Variants in HECTD2 observed in about 807,000 individuals in gnomAD.
The protein encoded by HECTD2 is HECT domain E3 ubiquitin protein ligase 2.
Under a neutral mutation model 103.2 loss-of-function variants are expected in HECTD2, and 35 were observed. The ratio of observed to expected loss-of-function variants is 0.34; its 90% CI spans 0.26 to 0.45. The LOEUF (loss-of-function observed/expected upper bound fraction) is 0.45, where lower values mean the gene tolerates loss of function less well. HECTD2 is among the 20% of genes least tolerant of loss of function. HECTD2 has a pLI of 1.00. For synonymous variants in HECTD2, 281 were observed against 329.9 expected, an observed-to-expected ratio of 0.85 and a Z score of 1.61; for missense variants, 596 against 937.4, an observed-to-expected ratio of 0.64 and a Z score of 4.76.
At chr10:91,412,495 G>A (rs1025774661) in intron 1 of HECTD2, among the ~76,000 whole-genome samples, 6 of 150,134 alleles carry the variant, frequency 4.0e-5, no homozygotes, top group East Asian at 2.0e-4. Context: ...TTGCTCTGTC[G>A]CCAGGCTGAA....
chr10:91,417,633 G>A (rs1221458301), intron 1 of HECTD2, among the ~76,000 whole-genome samples: 1 of 151,478 alleles, frequency 6.6e-6, no homozygotes, highest in African/African-American at 2.4e-5. Flanking sequence ...TTTTGTCCTT[G>A]TGATAGTTTG....
intron 18 of HECTD2, 125 bp downstream of exon 18, chr10:91,499,275 GT>G: frequency 1.7e-6 from 1 of 605,326 alleles, no homozygotes; most frequent in Admixed American, 3.4e-5. Context: ...CTTTTTAAAA[GT>G]AGAACTAAAA....
chr10:91,506,868 A>G (rs1031522520), intron 20 of HECTD2, among the ~76,000 whole-genome samples: 5 of 149,532 alleles, frequency 3.3e-5, no homozygotes, highest in Admixed American at 1.3e-4. Flanking sequence ...TGATGCAAAA[A>G]TCCTCAATAA....
intron 1 of HECTD2, among the ~76,000 whole-genome samples, chr10:91,413,276 G>T (rs1445378411): frequency 6.6e-6 from 1 of 152,168 alleles, no homozygotes; most frequent in Non-Finnish European, 1.5e-5. Flanking sequence ...GAGAAAGAAT[G>T]CTGGAAAGGG....
intron 4 of HECTD2, among the ~76,000 whole-genome samples, 165 bp downstream of exon 4, chr10:91,461,521 T>C (rs1845348233): frequency 6.6e-6 from 1 of 152,010 alleles, no homozygotes; most frequent in South Asian, 2.1e-4. Context: ...TTATAAATAT[T>C]ATATAAGTAT....
At chr10:91,455,885 A>G (rs553934257) in intron 2 of HECTD2, among the ~76,000 whole-genome samples, 2,498 of 151,880 alleles carry the variant, frequency 0.016, 46 homozygotes, top group Middle Eastern at 0.034. Flanking sequence ...ATGGTTGTAG[A>G]TGTGTGGTAT....
chr10:91,413,728 T>C (rs201388345), intron 1 of HECTD2, among the ~76,000 whole-genome samples: 1 of 152,122 alleles, frequency 6.6e-6, no homozygotes, highest in East Asian at 1.9e-4. Flanking sequence ...GTGACAGGTA[T>C]GGATGAAGTG....
intron 5 of HECTD2, 41 bp from the exon 6 acceptor site, chr10:91,478,160 T>C (rs745662262): frequency 7.9e-7 from 1 of 1,271,126 alleles, no homozygotes; most frequent in Admixed American, 1.7e-5. Context: ...GTCACCTAAT[T>C]TGGTAATCCT....
Position 91,478,208 on chromosome 10 carries a change from A to T in HECTD2, c.608A>T (p.Asp203Val), listed in dbSNP as rs759911720. The change falls in exon 6 of 21, where the codon GAC (aspartate) becomes GTC (valine). Residue 203 changes from aspartate (D) to valine (V), a missense_variant. Around this residue, in one of 4 missense-constraint regions of HECTD2, gnomAD observed 303 missense variants for 522.5 expected, o/e 0.58. Transcript: ENST00000298068. ...VYDTLLNTPQ[D>V]VQKTVLKGII... ...GTTTTCTTTTGCCTACAGCCTCAAG[A>T]CGTTCAGAAGACAGTATTAAAGGGA... 23 of 1,608,776 alleles carry T rather than the reference A, an allele frequency of 1.4e-5. No individual in the cohort carries two copies. In the Admixed American group the frequency reaches 3.5e-4, roughly 25 times the overall value.
At chr10:91,468,122 C>G (rs1845597292) in intron 5 of HECTD2, among the ~76,000 whole-genome samples, 1 of 152,172 alleles carries the variant, frequency 6.6e-6, no homozygotes, top group East Asian at 1.9e-4. Flanking sequence ...TGCCACTACC[C>G]CAGTCAAGTG....
intron 2 of HECTD2, among the ~76,000 whole-genome samples, chr10:91,428,788 A>G (rs1351428787): frequency 3.3e-5 from 5 of 151,820 alleles, no homozygotes; most frequent in Non-Finnish European, 5.9e-5. Flanking sequence ...CTGAGACAAT[A>G]GGGTTTTCTA....
At chr10:91,509,692 A>G (rs7075344) in intron 20 of HECTD2, among the ~76,000 whole-genome samples, 28,841 of 152,050 alleles carry the variant, frequency 0.19, 6,381 homozygotes, top group African/African-American at 0.54. Context: ...ACCAAATACC[A>G]CATATTCTTA....
intron 7 of HECTD2, among the ~76,000 whole-genome samples, chr10:91,482,412 G>T (rs1846126192): frequency 6.6e-6 from 1 of 151,828 alleles, no homozygotes; most frequent in Non-Finnish European, 1.5e-5. Context: ...TTTAAAAGTT[G>T]TCAGAAGCTG....
At chr10:91,429,112 CT>C (rs1843718043) in intron 2 of HECTD2, among the ~76,000 whole-genome samples, 2 of 151,724 alleles carry the variant, frequency 1.3e-5, no homozygotes, top group African/African-American at 4.9e-5. Flanking sequence ...TGTCAAAGGC[CT>C]TTTCTGCATC....
chr10:91,434,018 C>CA (rs1367794996), intron 2 of HECTD2, among the ~76,000 whole-genome samples: 4 of 151,912 alleles, frequency 2.6e-5, no homozygotes, highest in Admixed American at 1.3e-4. Context: ...CATAAAAGAA[C>CA]ATTTCACCCT....
intron 2 of HECTD2, among the ~76,000 whole-genome samples, chr10:91,449,533 A>G (rs1368403063): frequency 6.6e-6 from 1 of 152,128 alleles, no homozygotes; most frequent in Non-Finnish European, 1.5e-5. Context: ...ATTATTGGAA[A>G]TTTTGGCCAG....
intron 5 of HECTD2, among the ~76,000 whole-genome samples, chr10:91,464,049 G>C (rs776860744): frequency 6.6e-6 from 1 of 152,024 alleles, no homozygotes; most frequent in Non-Finnish European, 1.5e-5. Context: ...GTCCTCGAGG[G>C]ATCCAGGCTG....
intron 5 of HECTD2, among the ~76,000 whole-genome samples, chr10:91,473,943 A>G (rs566045437): frequency 2.0e-5 from 3 of 152,254 alleles, no homozygotes; most frequent in East Asian, 3.9e-4. Context: ...TCAAGGGTCA[A>G]CTGTATTTAT....
intron 2 of HECTD2, among the ~76,000 whole-genome samples, chr10:91,426,578 A>T (rs1354833576): frequency 6.6e-6 from 1 of 151,688 alleles, no homozygotes; most frequent in East Asian, 1.9e-4. Context: ...ACACACACAC[A>T]CACACAAGCA....
Sources: gnomAD v4.1 joint callset for allele counts (sites outside exome capture counted in the v4.1 genomes callset) on GRCh38, gnomAD v4.1.1 for gene constraint, gnomAD v4.1.1 regional missense constraint, MANE v1.5 for transcripts, NCBI Gene and HGNC (gene_info 2026-07-23, HGNC 2026-07-21) for gene names.